The following FHIT variants were observed in gnomAD, a reference collection of about 807,000 sequenced individuals.
The protein encoded by FHIT is bis(5'-adenosyl)-triphosphatase.
In FHIT, 19 loss-of-function variants were observed where a neutral mutation model predicts 17.9. The observed-to-expected ratio is 1.06, with a 90% CI of 0.74 to 1.56. FHIT has a LOEUF of 1.56. Among genes scored for constraint, FHIT ranks in the 40% most tolerant of loss-of-function variants. The pLI is 0.00. For synonymous variants in FHIT, 81 were observed against 69.7 expected, an observed-to-expected ratio of 1.16 and a Z score of -0.81; for missense variants, 248 against 189.2, an observed-to-expected ratio of 1.31 and a Z score of -1.82.
intron 8 of FHIT, among the ~76,000 whole-genome samples, chr3:59,909,153 C>T (rs1347883416): frequency 6.6e-6 from 1 of 152,006 alleles, no homozygotes; most frequent in Non-Finnish European, 1.5e-5. Flanking sequence ...CCTGCCTCAG[C>T]CTCCTGAGTA....
At chr3:60,588,217 G>T (rs1298492700) in intron 4 of FHIT, among the ~76,000 whole-genome samples, 1 of 151,980 alleles carries the variant, frequency 6.6e-6, no homozygotes, top group East Asian at 1.9e-4. Flanking sequence ...AGCCCTTAAG[G>T]CAGCTGAACT....
In FHIT at chr3:60,536,996, T is replaced by A. The variant is rs763509063; in HGVS notation, c.-17-17A>T. 10 of 1,583,456 alleles carry A rather than the reference T, an allele frequency of 6.3e-6. No individual in the cohort carries two copies. The highest frequency in any genetic ancestry group is 8.6e-6 in the Non-Finnish European group (10 of 1,169,114). On this transcript the variant is annotated splice_polypyrimidine_tract_variant and intron_variant, in intron 4 of 9. Transcript: ENST00000492590. Reference sequence around the variant, plus strand: ...AGTTGAAGTCTAAAAGAAAAGACAATGGATAGTTATAAAATTCAATTAAGA... The same window carrying A: ...AGTTGAAGTCTAAAAGAAAAGACAAAGGATAGTTATAAAATTCAATTAAGA...
rs114054528 is a variant in FHIT, at chr3:60,161,022, C to G, written c.104-146870G>C. 3.9e-3 allele frequency among the ~76,000 whole-genome samples: 592 copies of G among 152,136 alleles called. 3 individuals are homozygous for G. The highest frequency in any genetic ancestry group is 0.014 in the African/African-American group (565 of 41,526). ...AACAGTGTATTTCTTTTGTAAAATT[C>G]TTGTAATAGCAAAAAGATATGACGG... On this transcript the variant is annotated intron_variant, in intron 5 of 9. Coordinates refer to ENST00000492590, the MANE Select transcript of FHIT (RefSeq NM_002012.4).
intron 3 of FHIT, among the ~76,000 whole-genome samples, chr3:60,941,224 G>C (rs1553774455): frequency 3.3e-5 from 5 of 152,098 alleles, no homozygotes; most frequent in Non-Finnish European, 7.4e-5. Flanking sequence ...GCTGTTGTGT[G>C]GGAAAGTGCC....
chr3:61,042,383 C>CA (rs1348291345), intron 2 of FHIT, among the ~76,000 whole-genome samples: 4 of 151,902 alleles, frequency 2.6e-5, no homozygotes, highest in African/African-American at 9.7e-5. Context: ...TTAAAGTGTT[C>CA]AAAGATGAAA....
At chr3:60,523,886 G>T (rs1240362556) in intron 5 of FHIT, among the ~76,000 whole-genome samples, 2 of 152,168 alleles carry the variant, frequency 1.3e-5, no homozygotes, top group Non-Finnish European at 2.9e-5. Context: ...ATGTCTCCAA[G>T]CATGTGTTCA....
chr3:60,642,355 ATTT>A (rs1291362700), intron 4 of FHIT, among the ~76,000 whole-genome samples: 4 of 152,230 alleles, frequency 2.6e-5, no homozygotes, highest in Non-Finnish European at 5.9e-5. Context: ...AATGATGGCC[ATTT>A]GGCAAAAGCT....
chr3:60,825,413 A>T (rs1702077736), intron 3 of FHIT, among the ~76,000 whole-genome samples: 1 of 152,226 alleles, frequency 6.6e-6, no homozygotes, highest in South Asian at 2.1e-4. Flanking sequence ...ATGGGCAGAA[A>T]AGCAACACAA....
chr3:60,278,900 A>G (rs1002573783), intron 5 of FHIT, among the ~76,000 whole-genome samples: 1 of 152,158 alleles, frequency 6.6e-6, no homozygotes, highest in Non-Finnish European at 1.5e-5. Context: ...GCTTTGCAGG[A>G]AATTTAAAGA....
intron 4 of FHIT, among the ~76,000 whole-genome samples, chr3:60,814,847 T>G (rs782785435): frequency 1.9e-4 from 29 of 151,918 alleles, no homozygotes; most frequent in Non-Finnish European, 3.5e-4. Context: ...CATTCCTGTT[T>G]CTCAGCAGCC....
chr3:60,761,847 C>T (rs1333812530), intron 4 of FHIT, among the ~76,000 whole-genome samples: 4 of 151,930 alleles, frequency 2.6e-5, no homozygotes, highest in African/African-American at 7.3e-5. Flanking sequence ...CCCCTCACAC[C>T]TCATCCTTAT....
chr3:59,930,556 C>A (rs1392246370), intron 7 of FHIT, among the ~76,000 whole-genome samples: 1 of 152,072 alleles, frequency 6.6e-6, no homozygotes, highest in African/African-American at 2.4e-5. Context: ...GAATGGGGCA[C>A]CAGAAAGGGC....
intron 5 of FHIT, among the ~76,000 whole-genome samples, chr3:60,146,212 G>A (rs904952928): frequency 1.3e-5 from 2 of 150,148 alleles, no homozygotes; most frequent in Non-Finnish European, 2.9e-5. Flanking sequence ...ATAGGTCTAG[G>A]CAGTGAGGCT....
At chr3:60,261,254 CT>C (rs1174496088) in intron 5 of FHIT, among the ~76,000 whole-genome samples, 1 of 151,960 alleles carries the variant, frequency 6.6e-6, no homozygotes, top group African/African-American at 2.4e-5. Context: ...TCCAAGAACC[CT>C]TTCTTAGGCT....
intron 2 of FHIT, among the ~76,000 whole-genome samples, chr3:61,131,449 G>A: frequency 6.6e-6 from 1 of 152,196 alleles, no homozygotes; most frequent in Admixed American, 6.5e-5. Flanking sequence ...TCAAGTGAAG[G>A]CCATAAGTGG....
chr3:59,851,419 C>T (rs1701930000), intron 8 of FHIT, among the ~76,000 whole-genome samples: 1 of 152,154 alleles, frequency 6.6e-6, no homozygotes, highest in Non-Finnish European at 1.5e-5. Context: ...AACTCCCATG[C>T]AAGGGACCTA....
At chr3:60,609,528 T>C (rs1446590184) in intron 4 of FHIT, among the ~76,000 whole-genome samples, 1 of 152,100 alleles carries the variant, frequency 6.6e-6, no homozygotes, top group Non-Finnish European at 1.5e-5. Flanking sequence ...GGTCTAACCA[T>C]GTTGGTTAGA....
intron 8 of FHIT, among the ~76,000 whole-genome samples, chr3:59,779,300 T>C (rs1378504187): frequency 6.6e-6 from 1 of 152,148 alleles, no homozygotes; most frequent in Non-Finnish European, 1.5e-5. Context: ...GAGAGAGAGT[T>C]GTTCTGGACA....
At chr3:60,446,918 A>T (rs1345210401) in intron 5 of FHIT, among the ~76,000 whole-genome samples, 2 of 150,986 alleles carry the variant, frequency 1.3e-5, no homozygotes, top group Non-Finnish European at 2.9e-5. Flanking sequence ...TTCAGGTATA[A>T]ATCTACCCAA....
Sources: allele counts gnomAD v4.1 joint callset (sites outside exome capture counted in the v4.1 genomes callset), GRCh38; gene constraint gnomAD v4.1.1; transcripts MANE v1.5; gene names NCBI Gene and HGNC (gene_info 2026-07-23, HGNC 2026-07-21).